Variants in RBFOX1 observed in about 807,000 individuals in gnomAD.
RBFOX1 encodes RNA binding fox-1 homolog 1, also known as RNA binding protein fox-1 homolog 1.
RBFOX1 carries 8 observed loss-of-function variants against 57.7 expected under a neutral mutation model. The observed-to-expected ratio is 0.14, with a 90% CI of 0.08 to 0.25. The LOEUF (loss-of-function observed/expected upper bound fraction) is 0.25. Among genes scored for constraint, RBFOX1 ranks in the 10% least tolerant of loss-of-function variants. The pLI is 1.00. For missense variants in RBFOX1, 611 were observed against 548.5 expected (o/e 1.11, Z -1.14); for synonymous variants, 326 against 222.4 (o/e 1.47, Z -4.15).
chr16:6,647,853 G>A (rs1453466935), intron 2 of RBFOX1, among the ~76,000 whole-genome samples: 1 of 151,976 alleles, frequency 6.6e-6, no homozygotes. Flanking sequence ...CCTTCTCTTT[G>A]TTTTGAAACA....
At chr16:7,696,140 T>A (rs1282834634) in intron 14 of RBFOX1, among the ~76,000 whole-genome samples, 1 of 152,232 alleles carries the variant, frequency 6.6e-6, no homozygotes, top group Non-Finnish European at 1.5e-5. Flanking sequence ...TTAACATTTG[T>A]GGTCTGTGAG....
chr16:7,692,502 A>C (rs569087957), intron 14 of RBFOX1, among the ~76,000 whole-genome samples: 2 of 152,198 alleles, frequency 1.3e-5, no homozygotes, highest in Non-Finnish European at 2.9e-5. Flanking sequence ...ATAAAAATCT[A>C]ACCGATGAAA....
At chr16:6,752,006 G>C (rs928086878) in intron 3 of RBFOX1, among the ~76,000 whole-genome samples, 1 of 152,078 alleles carries the variant, frequency 6.6e-6, no homozygotes, top group Non-Finnish European at 1.5e-5. Context: ...ATCCCAGTTG[G>C]AATAGGTGAC....
rs1050496920 is a variant in RBFOX1 at position 5,946,025 on chromosome 16, G to C, written c.351+78690G>C. ...GGCGTCCACATTGGGTTTAAAAAGA[G>C]AAAAGAAGTCTGCTTTGTTTGCTAG... On this transcript the variant is annotated intron_variant, in intron 4 of 19. Coordinates refer to the RBFOX1 transcript ENST00000641259. This position sits in a 1 kb window ranked among gnomAD's most constrained non-coding sequence, Gnocchi z 4.6. 1.9e-4 allele frequency among the ~76,000 whole-genome samples: 29 copies of C among 152,224 alleles called. No individual in the cohort carries two copies. Among genetic ancestry groups the C allele is most frequent in the African/African-American group, 7.0e-4 (29 of 41,454 alleles).
intron 4 of RBFOX1, among the ~76,000 whole-genome samples, chr16:7,493,107 G>C (rs562001562): frequency 8.5e-5 from 13 of 152,236 alleles, no homozygotes; most frequent in Non-Finnish European, 1.9e-4. Context: ...TCAAACTCCT[G>C]ACCTTAGGGG....
At chr16:5,513,499 C>A (rs1417887521) in intron 2 of RBFOX1, among the ~76,000 whole-genome samples, 1 of 152,162 alleles carries the variant, frequency 6.6e-6, no homozygotes, top group Non-Finnish European at 1.5e-5. Flanking sequence ...CCACACCCAC[C>A]TCTTCATTCT....
intron 4 of RBFOX1, among the ~76,000 whole-genome samples, chr16:6,000,186 T>C (rs1342705887): frequency 6.6e-6 from 1 of 152,158 alleles, no homozygotes; most frequent in Non-Finnish European, 1.5e-5. Flanking sequence ...TTTTCTGGCC[T>C]CTTAGGGCAG....
At chr16:6,478,843 T>C (rs1239332264) in intron 2 of RBFOX1, among the ~76,000 whole-genome samples, 1 of 152,068 alleles carries the variant, frequency 6.6e-6, no homozygotes, top group Non-Finnish European at 1.5e-5. Context: ...AAAACAATTA[T>C]AATAGTACCA....
At chr16:5,484,638 T>G (rs1373814852) in intron 2 of RBFOX1, among the ~76,000 whole-genome samples, 1 of 151,860 alleles carries the variant, frequency 6.6e-6, no homozygotes, top group Non-Finnish European at 1.5e-5. Context: ...AATGGCCGGG[T>G]GTGGTGGCTC....
At chr16:7,201,991 G>A (rs1437397540) in intron 4 of RBFOX1, among the ~76,000 whole-genome samples, 2 of 152,156 alleles carry the variant, frequency 1.3e-5, no homozygotes, top group African/African-American at 2.4e-5. Context: ...AGTAGCATGT[G>A]TTAGGAGGAT....
At position 6,450,819 on chromosome 16, in the gene RBFOX1, ATATATATATATATATATGTG is replaced by A. The variant is rs2094592075; in HGVS notation, c.-64+133780_-64+133799del. 2.3e-4 allele frequency among the ~76,000 whole-genome samples: 2 copies of A among 8,698 alleles called. 1 individual carries two copies. Among genetic ancestry groups the A allele is most frequent in the East Asian group, 0.024 (2 of 82 alleles). 5.7% of individuals were successfully genotyped at this position (8,698 alleles called of 152,430 possible). ...TATATATGTATATATATATATATACATATATATATATATATATGTGTATATATATATATATATATATATAT... is the reference window on the plus strand; with the variant it reads ...TATATATGTATATATATATATATACATATATATATATATATATATATATAT... On this transcript the variant is annotated intron_variant, in intron 2 of 15. Transcript: ENST00000550418.
At chr16:6,666,448 G>C (rs1429477249) in intron 3 of RBFOX1, among the ~76,000 whole-genome samples, 1 of 150,736 alleles carries the variant, frequency 6.6e-6, no homozygotes, top group African/African-American at 2.4e-5. Context: ...GCTGAGTTAG[G>C]AGAATCACTT....
Position 6,978,442 on chromosome 16 carries a change from C to T in RBFOX1, c.-15-73615C>T, listed in dbSNP as rs552924378. 8.5e-5 allele frequency among the ~76,000 whole-genome samples: 13 copies of T among 152,230 alleles called. No individual in the cohort carries two copies. In the South Asian group the frequency reaches 2.7e-3, roughly 32 times the overall value. ...TGATATCTGGAAGAATAGTTATAAG[C>T]CCTTGGTGCATATTTACTTATTACG... On this transcript the variant is annotated intron_variant, in intron 3 of 15. Transcript: ENST00000550418.
intron 4 of RBFOX1, among the ~76,000 whole-genome samples, chr16:7,449,454 A>T (rs2098834014): frequency 6.6e-6 from 1 of 152,172 alleles, no homozygotes; most frequent in Non-Finnish European, 1.5e-5. Flanking sequence ...AGCCCTGCTT[A>T]GTTATCATCC....
chr16:7,075,121 G>A (rs1567165448), intron 4 of RBFOX1, among the ~76,000 whole-genome samples: 1 of 152,312 alleles, frequency 6.6e-6, no homozygotes, highest in South Asian at 2.1e-4. Flanking sequence ...GTACTCATGG[G>A]GCTGAGGCTG....
At chr16:6,217,170 G>C (rs1317103179) in intron 1 of RBFOX1, among the ~76,000 whole-genome samples, 1 of 83,862 alleles carries the variant, frequency 1.2e-5, no homozygotes, top group African/African-American at 4.0e-5. Context: ...TCATTTAGGG[G>C]ATTCTTTTTT....
At chr16:7,080,296 C>T (rs367621417) in intron 4 of RBFOX1, among the ~76,000 whole-genome samples, 2 of 152,050 alleles carry the variant, frequency 1.3e-5, no homozygotes, top group African/African-American at 4.8e-5. Context: ...CAGCAGATAG[C>T]TGAACACTGG....
intron 11 of RBFOX1, among the ~76,000 whole-genome samples, chr16:7,644,669 A>T (rs1375327431): frequency 6.6e-6 from 1 of 152,176 alleles, no homozygotes; most frequent in African/African-American, 2.4e-5. Flanking sequence ...CATCTTCTAG[A>T]TGTTGGAGAC....
chr16:6,940,647 G>C (rs933342388), intron 3 of RBFOX1, among the ~76,000 whole-genome samples: 1 of 152,060 alleles, frequency 6.6e-6, no homozygotes, highest in African/African-American at 2.4e-5. Context: ...ACCCAGGCTG[G>C]AGTGGAGCGA....
Sources: gnomAD v4.1 joint callset for allele counts (sites outside exome capture counted in the v4.1 genomes callset) on GRCh38, gnomAD v4.1.1 for gene constraint, Gnocchi (gnomAD v3.1) non-coding constraint, MANE v1.5 for transcripts, NCBI Gene and HGNC (gene_info 2026-07-23, HGNC 2026-07-21) for gene names.